The following RARB variants were observed in gnomAD, a reference collection of about 807,000 sequenced individuals.
RARB encodes the protein retinoic acid receptor beta.
RARB carries 17 observed loss-of-function variants against 51.9 expected under a neutral mutation model. The ratio of observed to expected loss-of-function variants is 0.33; its 90% CI spans 0.22 to 0.49. The LOEUF is 0.49. RARB is among the 20% of genes least tolerant of loss of function. RARB has a pLI of 0.99. For synonymous variants in RARB, 215 were observed against 195.4 expected (o/e 1.10, Z -0.84); for missense variants, 369 against 550.8 (o/e 0.67, Z 3.30).
chr3:25,386,841 A>G (rs1706810232), intron 5 of RARB, among the ~76,000 whole-genome samples: 1 of 152,132 alleles, frequency 6.6e-6, no homozygotes, highest in Non-Finnish European at 1.5e-5. Context: ...ATTGTTCAAG[A>G]TGTGCTAGGT....
chr3:24,830,667 G>A (rs1026979577), intron 1 of RARB, among the ~76,000 whole-genome samples: 2 of 150,144 alleles, frequency 1.3e-5, no homozygotes, highest in Admixed American at 6.6e-5. Context: ...AGTGTGGGGT[G>A]TGTGTGTGTG....
At chr3:25,066,957 C>G (rs1698676061) in intron 3 of RARB, among the ~76,000 whole-genome samples, 1 of 152,096 alleles carries the variant, frequency 6.6e-6, no homozygotes, top group Admixed American at 6.6e-5. Context: ...GCATTTCTCT[C>G]CAAAGCCCTG....
intron 5 of RARB, among the ~76,000 whole-genome samples, chr3:25,193,757 A>C (rs1030763383): frequency 6.6e-6 from 1 of 151,992 alleles, no homozygotes; most frequent in African/African-American, 2.4e-5. Flanking sequence ...AGAGAAAGAA[A>C]ATGTTCAAAT....
chr3:24,923,297 T>TC (rs1553614467), intron 2 of RARB, among the ~76,000 whole-genome samples: 7 of 152,094 alleles, frequency 4.6e-5, no homozygotes, highest in Admixed American at 2.0e-4. Context: ...CATCTTTTTT[T>TC]CCCTCCTTTT....
intron 5 of RARB, among the ~76,000 whole-genome samples, chr3:25,191,317 C>T (rs1448762950): frequency 1.3e-5 from 2 of 152,066 alleles, no homozygotes; most frequent in Non-Finnish European, 2.9e-5. Flanking sequence ...ATCTTTACTT[C>T]CTCTGGGCCC....
intron 2 of RARB, among the ~76,000 whole-genome samples, chr3:25,495,292 A>C (rs1696968832): frequency 2.0e-5 from 3 of 152,218 alleles, no homozygotes; most frequent in Admixed American, 6.5e-5. Flanking sequence ...AATATGCAGG[A>C]GGGAGGGAGA....
intron 5 of RARB, among the ~76,000 whole-genome samples, chr3:25,357,841 AC>A (rs1268196669): frequency 6.6e-6 from 1 of 151,580 alleles, no homozygotes; most frequent in Non-Finnish European, 1.5e-5. Flanking sequence ...TATTTCTGAG[AC>A]CCCTGTTCTT....
In RARB at chr3:24,967,705, G is replaced by C. The variant is rs533266285; in HGVS notation, c.-379-92420G>C. 7.2e-5 allele frequency among the ~76,000 whole-genome samples: 11 copies of C among 152,208 alleles called. No individual in the cohort carries two copies. In the South Asian group the frequency reaches 2.1e-3, roughly 29 times the overall value. On this transcript the variant is annotated intron_variant, in intron 2 of 11. Coordinates refer to the RARB transcript ENST00000383772. ...CAAAGTTTCCAAAATGAATAAAATAGCTTCATCATTAATAATTTGGATTCA... is the reference window on the plus strand; with the variant it reads ...CAAAGTTTCCAAAATGAATAAAATACCTTCATCATTAATAATTTGGATTCA...
At chr3:24,978,801 A>G (rs1696575877) in intron 2 of RARB, among the ~76,000 whole-genome samples, 1 of 151,222 alleles carries the variant, frequency 6.6e-6, no homozygotes, top group African/African-American at 2.4e-5. Context: ...TAGCTTTTGA[A>G]TTTGTTTGCT....
chr3:25,300,790 G>C (rs993863185), intron 5 of RARB, among the ~76,000 whole-genome samples: 12 of 152,022 alleles, frequency 7.9e-5, no homozygotes, highest in African/African-American at 2.9e-4. Flanking sequence ...AGGAGTTTGC[G>C]ACCAGCCTGG....
At chr3:25,090,752 A>G (rs1699183842) in intron 3 of RARB, among the ~76,000 whole-genome samples, 1 of 152,248 alleles carries the variant, frequency 6.6e-6, no homozygotes. Flanking sequence ...TAACTTTTAA[A>G]CCATAAGCAG....
chr3:25,210,267 T>A (rs1326721935), intron 5 of RARB, among the ~76,000 whole-genome samples: 2 of 152,198 alleles, frequency 1.3e-5, no homozygotes, highest in Non-Finnish European at 2.9e-5. Flanking sequence ...TTCTCCTTCC[T>A]GTCCCAATAC....
chr3:25,284,418 A>G (rs1050001511), intron 5 of RARB, among the ~76,000 whole-genome samples: 1 of 152,120 alleles, frequency 6.6e-6, no homozygotes, highest in Non-Finnish European at 1.5e-5. Context: ...AGCAATAAAA[A>G]TATTTGAGCA....
chr3:24,948,421 A>T (rs1165691365), intron 2 of RARB, among the ~76,000 whole-genome samples: 1 of 152,244 alleles, frequency 6.6e-6, no homozygotes, highest in Non-Finnish European at 1.5e-5. Flanking sequence ...AGTGTGGATA[A>T]ATAGAAGCTA....
intron 3 of RARB, among the ~76,000 whole-genome samples, chr3:25,536,621 C>G (rs1220785930): frequency 2.6e-5 from 4 of 152,172 alleles, no homozygotes; most frequent in Non-Finnish European, 5.9e-5. Flanking sequence ...CAATTTTTAT[C>G]TCTGGGCTCT....
At chr3:24,967,416 C>T (rs999760714) in intron 2 of RARB, among the ~76,000 whole-genome samples, 11 of 152,066 alleles carry the variant, frequency 7.2e-5, no homozygotes, top group Non-Finnish European at 1.6e-4. Flanking sequence ...TCTAAGTAGC[C>T]GTTTTGTAAA....
intron 1 of RARB, among the ~76,000 whole-genome samples, chr3:25,440,239 C>T (rs1419244007): frequency 6.6e-6 from 1 of 152,012 alleles, no homozygotes; most frequent in African/African-American, 2.4e-5. Flanking sequence ...ATCACTTGAG[C>T]CTAGGCACTT....
intron 3 of RARB, among the ~76,000 whole-genome samples, chr3:25,109,069 T>C (rs1360228495): frequency 2.0e-5 from 3 of 152,188 alleles, no homozygotes; most frequent in Admixed American, 6.5e-5. Flanking sequence ...TTGCCATTTC[T>C]TAGGTAAAAT....
At chr3:24,934,532 C>T (rs1695509719) in intron 2 of RARB, among the ~76,000 whole-genome samples, 1 of 152,004 alleles carries the variant, frequency 6.6e-6, no homozygotes, top group Non-Finnish European at 1.5e-5. Context: ...TAAGAATAAG[C>T]CCAAAATCTC....
Sources: allele counts gnomAD v4.1 joint callset (sites outside exome capture counted in the v4.1 genomes callset), GRCh38; gene constraint gnomAD v4.1.1; transcripts MANE v1.5; gene names NCBI Gene and HGNC (gene_info 2026-07-23, HGNC 2026-07-21).